FAT4: variants seen among roughly 807,000 people sequenced by gnomAD.
The protein encoded by FAT4 is protocadherin Fat 4.
FAT4 carries 84 observed loss-of-function variants against 303.9 expected under a neutral mutation model. The observed-to-expected ratio is 0.28, with a 90% confidence interval of 0.23 to 0.33. FAT4 has a LOEUF of 0.33. FAT4 is among the 10% of genes least tolerant of loss of function. The probability of loss-of-function intolerance (pLI) is 1.00; values close to 1 mark genes in which losing one functional copy is unlikely to be tolerated. For synonymous variants in FAT4, 2,307 were observed against 2,298.8 expected (o/e 1.00, Z -0.10); for missense variants, 6,005 against 6,146.8 (o/e 0.98, Z 0.77).
chr4:125,405,034 A>AT (rs1034199838), intron 3 of FAT4, among the ~76,000 whole-genome samples: 18 of 151,360 alleles, frequency 1.2e-4, no homozygotes, highest in Non-Finnish European at 2.9e-5. Context: ...TGCATTATAC[A>AT]TGCTGATTTA....
chr4:125,361,657 G>T (rs1732675890), intron 2 of FAT4, among the ~76,000 whole-genome samples: 1 of 152,120 alleles, frequency 6.6e-6, no homozygotes, highest in Non-Finnish European at 1.5e-5. Flanking sequence ...GTTATTATAT[G>T]CTACAGAAGC....
At chr4:125,353,177 A>C (rs1732295710) in intron 2 of FAT4, among the ~76,000 whole-genome samples, 2 of 151,882 alleles carry the variant, frequency 1.3e-5, no homozygotes, top group Admixed American at 6.6e-5. Context: ...TTCTATAGAA[A>C]GTTTGGCCTT....
chr4:125,374,637 C>G (rs1310323808), intron 2 of FAT4, among the ~76,000 whole-genome samples: 1 of 152,170 alleles, frequency 6.6e-6, no homozygotes, highest in Non-Finnish European at 1.5e-5. Flanking sequence ...CGTATATTCA[C>G]AGAGCTGTTC....
rs557999247 is a variant in FAT4 at position 125,428,257 on chromosome 4, C to T, written c.7019-5988C>T. Reference sequence around the variant, plus strand: ...AGGTTGCAGTGAGCCGAGATCACACCGCTGCTCTTCAGCCTGGGCAACAAG... The same window carrying T: ...AGGTTGCAGTGAGCCGAGATCACACTGCTGCTCTTCAGCCTGGGCAACAAG... On this transcript the variant is annotated intron_variant, in intron 7 of 17. Transcript: ENST00000394329. 5.3e-5 allele frequency among the ~76,000 whole-genome samples: 8 copies of T among 152,166 alleles called. No individual in the cohort carries two copies. In the South Asian group the frequency reaches 1.0e-3, roughly 20 times the overall value.
chr4:125,431,593 T>C (rs1725286001), intron 7 of FAT4, among the ~76,000 whole-genome samples: 1 of 152,222 alleles, frequency 6.6e-6, no homozygotes, highest in African/African-American at 2.4e-5. Context: ...ATATAATTTA[T>C]GTGCTAGGTA....
At position 125,490,502 on chromosome 4, in the gene FAT4, C is replaced by T. The variant is rs745613064; in HGVS notation, c.13686C>T (p.Asp4562=). The T allele has an allele frequency of 6.2e-7, 1 of 1,614,136 alleles. No individual in the cohort carries two copies. Among genetic ancestry groups the T allele is most frequent in the South Asian group, 1.1e-5 (1 of 91,076 alleles). ...AGAACGTTGCTTTTGATGACCCTGA[C>T]AATATCCCTCCCTATGGGGATGACA... The part of the protein sequence containing the change: ...GSENVAFDDP[D]NIPPYGDDMT... The change falls in exon 18 of 18, where the codon GAC becomes GAT. Residue 4562 remains aspartate (D), a synonymous_variant. Transcript: ENST00000394329.
At chr4:125,482,446 C>T (rs17009796) in intron 16 of FAT4, among the ~76,000 whole-genome samples, 58,226 of 151,796 alleles carry the variant, frequency 0.38, 11,197 homozygotes, top group Middle Eastern at 0.46. Flanking sequence ...ATTTTTGCAT[C>T]GGCCCTTAGC....
chr4:125,491,856 A>G lies in FAT4; in HGVS notation c.*88A>G. 2 of 1,358,738 alleles carry G rather than the reference A, an allele frequency of 1.5e-6. No individual in the cohort carries two copies. The highest frequency in any genetic ancestry group is 2.0e-6 in the Non-Finnish European group (2 of 1,010,742). The allele number at this position is 1,358,738 out of a possible 1,614,324, so 84.2% of individuals were successfully genotyped here. On this transcript the variant is annotated 3_prime_UTR_variant, in exon 18 of 18. Coordinates refer to ENST00000394329, the MANE Select transcript of FAT4 (RefSeq NM_001291303.3). ...TGCTGACTAGGTTGGGTCACATTTGAAAAACAGGCCAGTATGGACTAGTGG... is the reference window on the plus strand; with the variant it reads ...TGCTGACTAGGTTGGGTCACATTTGGAAAACAGGCCAGTATGGACTAGTGG...
At position 125,317,764 on chromosome 4, in the gene FAT4, A is replaced by C. The variant is rs749374239; in HGVS notation, c.1353A>C (p.Ala451=). Reference sequence around the variant, plus strand: ...ACTACGGGGCGCCCCCTGGCGCAGCAGTCCAGGCGCGCTCTTCTGTGGCAA... The same window carrying C: ...ACTACGGGGCGCCCCCTGGCGCAGCCGTCCAGGCGCGCTCTTCTGTGGCAA... ...SDNYGAPPGA[A]VQARSSVASL... Residue 451 remains alanine (A), a synonymous_variant, in exon 2 of 18, where the codon GCA becomes GCC. Coordinates refer to ENST00000394329, the MANE Select transcript of FAT4 (RefSeq NM_001291303.3). The surrounding 1 kb of genome is among the most constrained non-coding windows in gnomAD (Gnocchi z 7.0). The C allele has an allele frequency of 1.7e-5, 27 of 1,614,158 alleles. No homozygotes were observed. The highest frequency in any genetic ancestry group is 1.9e-5 in the Non-Finnish European group (22 of 1,180,030).
chr4:125,326,897 CG>C (rs1352213571), intron 2 of FAT4, among the ~76,000 whole-genome samples: 4 of 151,986 alleles, frequency 2.6e-5, no homozygotes, highest in Non-Finnish European at 5.9e-5. Flanking sequence ...TGGTGGTGCA[CG>C]CCTGTAGTCC....
chr4:125,336,297 T>C (rs1224993361), intron 2 of FAT4, among the ~76,000 whole-genome samples: 1 of 152,070 alleles, frequency 6.6e-6, no homozygotes, highest in Non-Finnish European at 1.5e-5. Context: ...ATGTAATTTT[T>C]AAACATTGAT....
At position 125,452,365 on chromosome 4, in the gene FAT4, T is replaced by C; in HGVS notation, c.11355T>C (p.Phe3785=). The C allele has an allele frequency of 6.2e-7, 1 of 1,614,216 alleles. No individual in the cohort carries two copies. Among genetic ancestry groups the C allele is most frequent in the Non-Finnish European group, 8.5e-7 (1 of 1,180,040 alleles). The part of the protein sequence containing the change: ...YVNPSGVATF[F]ESIKEILLRQ... The stretch of plus-strand genomic sequence containing the variant: ...ATCCCAGTGGCGTAGCCACCTTCTT[T>C]GAAAGCATCAAAGAGATCCTTCTCC... Residue 3785 remains phenylalanine (F), a synonymous_variant, in exon 10 of 18, where the codon TTT becomes TTC. Coordinates refer to ENST00000394329, the MANE Select transcript of FAT4 (RefSeq NM_001291303.3).
intron 3 of FAT4, among the ~76,000 whole-genome samples, chr4:125,403,630 T>C (rs541155364): frequency 3.9e-4 from 60 of 152,230 alleles, no homozygotes; most frequent in African/African-American, 1.4e-3. Context: ...GATAACCATT[T>C]CTATGATGCT....
chr4:125,352,863 C>T (rs184510947), intron 2 of FAT4, among the ~76,000 whole-genome samples: 144 of 151,858 alleles, frequency 9.5e-4, no homozygotes, highest in Non-Finnish European at 1.7e-3. Context: ...AGCCATAAGA[C>T]TACACTGAAT....
chr4:125,409,327 G>T (rs1041597455), intron 5 of FAT4, among the ~76,000 whole-genome samples: 7 of 151,352 alleles, frequency 4.6e-5, no homozygotes, highest in African/African-American at 1.7e-4. Context: ...TGCAATCTCA[G>T]CTCACTGCAA....
At chr4:125,337,577 A>G (rs1446137843) in intron 2 of FAT4, among the ~76,000 whole-genome samples, 1 of 152,058 alleles carries the variant, frequency 6.6e-6, no homozygotes, top group Non-Finnish European at 1.5e-5. Context: ...ATAACTAATA[A>G]TTAGTGTAGA....
At position 125,490,476 on chromosome 4, in the gene FAT4, G is replaced by A; in HGVS notation, c.13660G>A (p.Glu4554Lys). Residue 4554 changes from glutamate (E) to lysine (K), a missense_variant, in exon 18 of 18, where the codon GAG (glutamate) becomes AAG (lysine). Transcript: ENST00000394329. ...GAAGGAGAAGAAGAAAAAGGGAAGTGAGAACGTTGCTTTTGATGACCCTGA... is the reference window on the plus strand; with the variant it reads ...GAAGGAGAAGAAGAAAAAGGGAAGTAAGAACGTTGCTTTTGATGACCCTGA... ...KPKEKKKKGS[E>K]NVAFDDPDNI... 6.2e-7 allele frequency: 1 copy of A among 1,614,142 alleles called. No individual in the cohort carries two copies. The highest frequency in any genetic ancestry group is 1.1e-5 in the South Asian group (1 of 91,082).
chr4:125,468,506 C>T lies in FAT4; in HGVS notation c.11906-6C>T. On this transcript the variant is annotated splice_region_variant and splice_polypyrimidine_tract_variant and intron_variant, in intron 11 of 17. Coordinates refer to ENST00000394329, the MANE Select transcript of FAT4 (RefSeq NM_001291303.3). The stretch of plus-strand genomic sequence containing the variant: ...TATGCCAGTTTGTCAATTTTCCCTC[C>T]AACAGGTGTCTTTGGAAAACACTGC... The T allele has an allele frequency of 1.4e-6, 2 of 1,465,172 alleles. No homozygotes were observed. The highest frequency in any genetic ancestry group is 1.8e-6 in the Non-Finnish European group (2 of 1,097,078). 90.8% of individuals were successfully genotyped at this position (1,465,172 alleles called of 1,614,324 possible).
intron 3 of FAT4, among the ~76,000 whole-genome samples, chr4:125,400,278 T>A (rs995471354): frequency 1.3e-5 from 2 of 151,936 alleles, no homozygotes; most frequent in African/African-American, 2.4e-5. Context: ...ATAATTAGAG[T>A]GGGATTATTT....
Sources: gnomAD v4.1 joint callset for allele counts (sites outside exome capture counted in the v4.1 genomes callset) on GRCh38, gnomAD v4.1.1 for gene constraint, Gnocchi (gnomAD v3.1) non-coding constraint, MANE v1.5 for transcripts, NCBI Gene and HGNC (gene_info 2026-07-23, HGNC 2026-07-21) for gene names.